Variants in PLD5 observed in about 807,000 individuals in gnomAD.
PLD5 encodes the protein inactive phospholipase D5.
In PLD5, 36 loss-of-function variants were observed where a neutral mutation model predicts 61.1. That is an observed-to-expected ratio of 0.59 (90% CI 0.45 to 0.78). The LOEUF (loss-of-function observed/expected upper bound fraction) is 0.78, where lower values mean the gene tolerates loss of function less well. PLD5 is among the 30% of genes least tolerant of loss of function. PLD5 has a pLI of 0.00. For synonymous variants in PLD5, 243 were observed against 242.8 expected (o/e 1.00, Z -0.01); for missense variants, 515 against 644.4 (o/e 0.80, Z 2.17).
intron 5 of PLD5, among the ~76,000 whole-genome samples, chr1:242,213,487 G>A (rs987140305): frequency 5.9e-5 from 9 of 152,034 alleles, no homozygotes; most frequent in African/African-American, 2.2e-4. Context: ...CCTCTCTTTG[G>A]AAATATCTTG....
intron 3 of PLD5, among the ~76,000 whole-genome samples, chr1:242,283,627 G>T (rs1040962915): frequency 4.6e-5 from 7 of 152,204 alleles, no homozygotes; most frequent in African/African-American, 1.7e-4. Context: ...GAAGGATAGT[G>T]TTTGGCACCA....
chr1:242,234,435 G>A lies in PLD5; in HGVS notation c.608-14320C>T, dbSNP rs556401400. Among the ~76,000 whole-genome samples, 4 of 152,094 alleles carry A rather than the reference G, an allele frequency of 2.6e-5. No homozygotes were observed. The South Asian group carries it at 6.2e-4, about 24-fold the overall frequency. On this transcript the variant is annotated intron_variant, in intron 4 of 9. Coordinates refer to ENST00000536534, the MANE Select transcript of PLD5 (RefSeq NM_001372062.1). ...ACAGTGGCATTGAACTTTTTTTTCA[G>A]AAAAAGAAATGGGTAAGAGTTAAAC...
chr1:242,089,762 A>C lies in PLD5; in HGVS notation c.*92T>G. The C allele has an allele frequency of 6.6e-7, 1 of 1,506,928 alleles. No homozygotes were observed. The highest frequency in any genetic ancestry group is 9.1e-7 in the Non-Finnish European group (1 of 1,104,874). 93.3% of individuals were successfully genotyped at this position (1,506,928 alleles called of 1,614,324 possible). On this transcript the variant is annotated 3_prime_UTR_variant, in exon 10 of 10. Transcript: ENST00000536534. ...TTTTATAAGTGTGCTTTTTCCCTAA[A>C]AAAAGAGACATATTAAAGTGTTTTT...
At chr1:242,228,659 A>G (rs1217524457) in intron 4 of PLD5, among the ~76,000 whole-genome samples, 2 of 149,872 alleles carry the variant, frequency 1.3e-5, no homozygotes, top group East Asian at 4.1e-4. Context: ...GGAGGGAGGG[A>G]AGGAGGGAGA....
intron 5 of PLD5, among the ~76,000 whole-genome samples, chr1:242,127,687 A>G (rs1662905391): frequency 6.6e-6 from 1 of 152,154 alleles, no homozygotes; most frequent in Non-Finnish European, 1.5e-5. Context: ...GAGGGATAAA[A>G]GGCTACAAAT....
chr1:242,255,395 A>G (rs1672956333), intron 4 of PLD5, among the ~76,000 whole-genome samples: 1 of 152,224 alleles, frequency 6.6e-6, no homozygotes, highest in Non-Finnish European at 1.5e-5. Flanking sequence ...TCAATAAGCT[A>G]TCCTCCACTG....
chr1:242,376,150 A>G (rs1175984859), intron 1 of PLD5, among the ~76,000 whole-genome samples: 2 of 152,224 alleles, frequency 1.3e-5, no homozygotes, highest in Non-Finnish European at 2.9e-5. Context: ...TCTTAAAGCC[A>G]GCCTTGCAGG....
intron 1 of PLD5, among the ~76,000 whole-genome samples, chr1:242,421,109 G>A (rs1249458051): frequency 1.3e-5 from 2 of 148,846 alleles, no homozygotes; most frequent in Non-Finnish European, 3.0e-5. Flanking sequence ...GAACCCTGGA[G>A]GTGAAGGTTG....
At chr1:242,285,843 C>T (rs1469409046) in intron 3 of PLD5, among the ~76,000 whole-genome samples, 1 of 152,098 alleles carries the variant, frequency 6.6e-6, no homozygotes, top group African/African-American at 2.4e-5. Flanking sequence ...CACAGTGGCT[C>T]ACACCTATAA....
At chr1:242,451,459 CTT>C (rs398038597) in intron 1 of PLD5, among the ~76,000 whole-genome samples, 28 of 115,104 alleles carry the variant, frequency 2.4e-4, no homozygotes, top group Admixed American at 2.1e-4. Context: ...GTATCAAATT[CTT>C]TTTTTTTTTT....
At chr1:242,191,547 C>A (rs1278821372) in intron 5 of PLD5, among the ~76,000 whole-genome samples, 2 of 122,688 alleles carry the variant, frequency 1.6e-5, no homozygotes, top group African/African-American at 5.4e-5. Context: ...GACTGCGCCA[C>A]TGCACTCCAG....
At chr1:242,247,549 T>C (rs1672461439) in intron 4 of PLD5, among the ~76,000 whole-genome samples, 1 of 152,234 alleles carries the variant, frequency 6.6e-6, no homozygotes, top group Non-Finnish European at 1.5e-5. Context: ...ACAAAGAGTC[T>C]ATTTTGTCAG....
At chr1:242,377,296 C>T (rs1050308528) in intron 1 of PLD5, 20 of 1,607,820 alleles carry the variant, frequency 1.2e-5, no homozygotes, top group South Asian at 3.3e-5. Flanking sequence ...AAGCCACACA[C>T]GGCACACTTG....
chr1:242,304,818 T>C (rs993745464), intron 2 of PLD5, among the ~76,000 whole-genome samples: 4 of 152,214 alleles, frequency 2.6e-5, no homozygotes, highest in African/African-American at 9.7e-5. Context: ...ATGAAAATAA[T>C]TGTGAGCTGG....
At chr1:242,218,568 T>C (rs1390117014) in intron 5 of PLD5, among the ~76,000 whole-genome samples, 2 of 152,226 alleles carry the variant, frequency 1.3e-5, no homozygotes, top group African/African-American at 2.4e-5. Flanking sequence ...GGATTTGCAA[T>C]TGGAAAGATT....
intron 8 of PLD5, among the ~76,000 whole-genome samples, chr1:242,103,489 C>T (rs1660834161): frequency 6.6e-6 from 1 of 152,238 alleles, no homozygotes; most frequent in Non-Finnish European, 1.5e-5. Context: ...CTTTTTCTCA[C>T]TTCCTTTTTG....
chr1:242,382,133 A>AC (rs1662322622), intron 1 of PLD5, among the ~76,000 whole-genome samples: 1 of 151,478 alleles, frequency 6.6e-6, no homozygotes, highest in African/African-American at 2.4e-5. Flanking sequence ...GACAGCAAAA[A>AC]AAAAAACAAA....
intron 5 of PLD5, among the ~76,000 whole-genome samples, chr1:242,149,505 T>C (rs1217045777): frequency 1.3e-5 from 2 of 150,466 alleles, no homozygotes; most frequent in African/African-American, 2.5e-5. Context: ...GAAAGTGTTT[T>C]ACTTTTTTTT....
intron 1 of PLD5, among the ~76,000 whole-genome samples, chr1:242,398,422 TC>T (rs1663726914): frequency 6.6e-6 from 1 of 152,204 alleles, no homozygotes; most frequent in Non-Finnish European, 1.5e-5. Flanking sequence ...TGAAAACAAC[TC>T]CATTATGATC....
Sources: gnomAD v4.1 joint callset for allele counts (sites outside exome capture counted in the v4.1 genomes callset) on GRCh38, gnomAD v4.1.1 for gene constraint, MANE v1.5 for transcripts, NCBI Gene and HGNC (gene_info 2026-07-23, HGNC 2026-07-21) for gene names.